The following MEF2C variants were observed in gnomAD, a reference collection of about 807,000 sequenced individuals.
MEF2C encodes myocyte enhancer factor 2C.
In MEF2C, 6 loss-of-function variants were observed where a neutral mutation model predicts 50.5. The ratio of observed to expected loss-of-function variants is 0.12; its 90% CI spans 0.07 to 0.23. MEF2C has a LOEUF of 0.23. Ranked by LOEUF, MEF2C falls within the 10% of genes least tolerant of loss-of-function variation. The probability of loss-of-function intolerance (pLI) is 1.00; values close to 1 mark genes in which losing one functional copy is unlikely to be tolerated. For missense variants in MEF2C, 276 were observed against 605.0 expected, an observed-to-expected ratio of 0.46 and a Z score of 5.70; for synonymous variants, 183 against 228.0, an observed-to-expected ratio of 0.80 and a Z score of 1.78.
At chr5:88,890,512 C>T (rs1478071472) in intron 1 of MEF2C, among the ~76,000 whole-genome samples, 6 of 152,158 alleles carry the variant, frequency 3.9e-5, no homozygotes, top group Non-Finnish European at 8.8e-5. Flanking sequence ...AATTCTGTCC[C>T]TCAGTTCCAC....
chr5:88,864,714 C>T (rs899398260), intron 1 of MEF2C, among the ~76,000 whole-genome samples: 2 of 151,926 alleles, frequency 1.3e-5, no homozygotes, highest in African/African-American at 2.4e-5. Context: ...CCTCAGTTTC[C>T]CAAGTAGTTA....
At chr5:88,806,653 T>A (rs1275437520) in intron 2 of MEF2C, among the ~76,000 whole-genome samples, 1 of 152,208 alleles carries the variant, frequency 6.6e-6, no homozygotes, top group Non-Finnish European at 1.5e-5. Context: ...GTTTTACTTA[T>A]CACCTTTTAT....
At chr5:88,889,809 G>C (rs1428938021) in intron 1 of MEF2C, among the ~76,000 whole-genome samples, 1 of 152,134 alleles carries the variant, frequency 6.6e-6, no homozygotes, top group Non-Finnish European at 1.5e-5. Context: ...TGGGATCCTG[G>C]GCTGGAGAAA....
chr5:88,875,308 C>T (rs1260880975), intron 1 of MEF2C, among the ~76,000 whole-genome samples: 1 of 151,880 alleles, frequency 6.6e-6, no homozygotes, highest in African/African-American at 2.4e-5. Flanking sequence ...CTATTTTGAC[C>T]TAATAATCAT....
chr5:88,858,689 T>C (rs1824387011), intron 1 of MEF2C, among the ~76,000 whole-genome samples: 1 of 152,214 alleles, frequency 6.6e-6, no homozygotes, highest in Admixed American at 6.5e-5. Context: ...AGTTACTCCT[T>C]GGAGAAATCT....
At chr5:88,741,136 C>A (rs1202758301) in intron 6 of MEF2C, 1 of 985,284 alleles carries the variant, frequency 1.0e-6, no homozygotes, top group Non-Finnish European at 1.2e-6. Flanking sequence ...AGGATAGGAG[C>A]CCCGTGCTGG....
intron 3 of MEF2C, among the ~76,000 whole-genome samples, chr5:88,779,519 G>GT (rs1358911960): frequency 3.9e-5 from 6 of 152,022 alleles, no homozygotes; most frequent in African/African-American, 1.2e-4. Flanking sequence ...ACAGTGAAAT[G>GT]GAAGCTATGT....
chr5:88,839,353 CTATCTA>C (rs775446333), intron 1 of MEF2C: 11 of 141,196 alleles, frequency 7.8e-5, no homozygotes, highest in Non-Finnish European at 1.4e-4. Context: ...CTCTCTCTCT[CTATCTA>C]TCTATCTCTA....
intron 1 of MEF2C, among the ~76,000 whole-genome samples, chr5:88,890,359 T>C (rs1020574493): frequency 2.6e-5 from 4 of 152,260 alleles, no homozygotes; most frequent in Non-Finnish European, 5.9e-5. Context: ...ATATCTGTGC[T>C]GTTCTTTGAC....
intron 3 of MEF2C, among the ~76,000 whole-genome samples, chr5:88,786,526 T>A (rs577060100): frequency 6.6e-6 from 1 of 152,330 alleles, no homozygotes; most frequent in East Asian, 1.9e-4. Flanking sequence ...AGGTTGAACC[T>A]TTTATTAAGC....
chr5:88,871,429 C>T (rs1045150902), intron 1 of MEF2C, among the ~76,000 whole-genome samples: 2 of 151,852 alleles, frequency 1.3e-5, no homozygotes, highest in African/African-American at 4.8e-5. Flanking sequence ...TGCTGTTTTA[C>T]CATAGGGAAG....
chr5:88,770,156 A>G (rs1410710130), intron 3 of MEF2C, among the ~76,000 whole-genome samples: 33 of 152,220 alleles, frequency 2.2e-4, no homozygotes, highest in Admixed American at 2.2e-3. Context: ...AAAGTATAAA[A>G]TGTATAATAA....
At chr5:88,799,119 G>C (rs1403739438) in intron 3 of MEF2C, among the ~76,000 whole-genome samples, 1 of 152,200 alleles carries the variant, frequency 6.6e-6, no homozygotes, top group Non-Finnish European at 1.5e-5. Context: ...AGGCACGGGG[G>C]GTCAGGGACC....
chr5:88,791,255 T>A (rs1404704905), intron 3 of MEF2C, among the ~76,000 whole-genome samples: 1 of 152,156 alleles, frequency 6.6e-6, no homozygotes, highest in Non-Finnish European at 1.5e-5. Flanking sequence ...TATATTTTTC[T>A]CTTTTCATTT....
chr5:88,779,304 G>T (rs548199102), intron 3 of MEF2C, among the ~76,000 whole-genome samples: 1 of 152,170 alleles, frequency 6.6e-6, no homozygotes, highest in African/African-American at 2.4e-5. Flanking sequence ...ATAGTTCAAA[G>T]TCTGCTTCCA....
chr5:88,730,104 G>T, intron 8 of MEF2C, 107 bp downstream of exon 8: 1 of 1,086,794 alleles, frequency 9.2e-7, no homozygotes, highest in Non-Finnish European at 1.3e-6. Flanking sequence ...AATCAATGTT[G>T]ACATACTGTG....
chr5:88,758,483 G>C (rs139785951), intron 4 of MEF2C, among the ~76,000 whole-genome samples: 144 of 152,188 alleles, frequency 9.5e-4, no homozygotes, highest in African/African-American at 3.3e-3. Context: ...ATACTAACAG[G>C]TGACTGCAAT....
At chr5:88,899,113 T>G (rs1835389103) in intron 1 of MEF2C, among the ~76,000 whole-genome samples, 1 of 152,278 alleles carries the variant, frequency 6.6e-6, no homozygotes, top group African/African-American at 2.4e-5. Flanking sequence ...TACTGAAAAG[T>G]TCAAAGCTTC....
At chr5:88,848,198 A>C (rs1410672559) in intron 1 of MEF2C, among the ~76,000 whole-genome samples, 2 of 152,208 alleles carry the variant, frequency 1.3e-5, no homozygotes, top group Admixed American at 1.3e-4. Flanking sequence ...AAAGGTAAAG[A>C]GCAGAAAGAC....
Sources: gnomAD v4.1 joint callset for allele counts (sites outside exome capture counted in the v4.1 genomes callset) on GRCh38, gnomAD v4.1.1 for gene constraint, MANE v1.5 for transcripts, NCBI Gene and HGNC (gene_info 2026-07-23, HGNC 2026-07-21) for gene names.